ADAMTS10: variants seen among roughly 807,000 people sequenced by gnomAD.
ADAMTS10 encodes the protein ADAM metallopeptidase with thrombospondin type 1 motif 10.
A neutral mutation model predicts 135.9 loss-of-function variants in ADAMTS10; 48 were observed. The ratio of observed to expected loss-of-function variants is 0.35; its 90% CI spans 0.28 to 0.45. The LOEUF (loss-of-function observed/expected upper bound fraction) is 0.45, where lower values mean the gene tolerates loss of function less well. ADAMTS10 is among the 20% of genes least tolerant of loss of function. The pLI is 1.00. For missense variants in ADAMTS10, 1,131 were observed against 1,565.2 expected (o/e 0.72, Z 4.68); for synonymous variants, 621 against 647.5 (o/e 0.96, Z 0.62).
intron 7 of ADAMTS10, 25 bp downstream of exon 7, chr19:8,597,209 G>T: frequency 6.2e-7 from 1 of 1,614,144 alleles, no homozygotes; most frequent in Non-Finnish European, 8.5e-7. Flanking sequence ...GAAGGGGAAG[G>T]GGAAGGGGAG....
At chr19:8,598,914 G>T (rs2146087347) in intron 6 of ADAMTS10, among the ~76,000 whole-genome samples, 1 of 151,720 alleles carries the variant, frequency 6.6e-6, no homozygotes, top group South Asian at 2.1e-4. Flanking sequence ...AGGGAGAGAG[G>T]CCAGGCTCAG....
intron 6 of ADAMTS10, among the ~76,000 whole-genome samples, chr19:8,600,679 T>TA (rs1555741320): frequency 2.6e-5 from 4 of 151,952 alleles, no homozygotes; most frequent in African/African-American, 9.7e-5. Flanking sequence ...TTTGTATTTT[T>TA]AGTAGAGATG....
rs1555735673 is a variant in ADAMTS10, at chr19:8,580,968, G to GGGGC, written c.3233_3236dup (p.Leu1080ProfsTer184). The GGGGC allele has an allele frequency of 6.2e-7, 1 of 1,613,666 alleles. No homozygotes were observed. The highest frequency in any genetic ancestry group is 1.7e-5 in the Admixed American group (1 of 59,974). On this transcript the variant is annotated frameshift_variant, in exon 26 of 26. Coordinates refer to ENST00000597188, the MANE Select transcript of ADAMTS10 (RefSeq NM_030957.4). LOFTEE classifies it high-confidence loss of function. ...TGCAGAACTGAAATTTGAGCACCAG[G>GGGGC]GGGCAGTAGGCGACCTTGTTCACAT...
intron 6 of ADAMTS10, among the ~76,000 whole-genome samples, chr19:8,599,118 C>T (rs1251467717): frequency 6.6e-6 from 1 of 152,074 alleles, no homozygotes; most frequent in Non-Finnish European, 1.5e-5. Flanking sequence ...CATTATATCT[C>T]CATTTGATAC....
rs140502897 is a variant in ADAMTS10 at position 8,604,392 on chromosome 19, A to T, written c.436-508T>A. 4.9e-3 allele frequency among the ~76,000 whole-genome samples: 729 copies of T among 149,730 alleles called. 4 individuals carry two copies. The highest frequency in any genetic ancestry group is 0.017 in the African/African-American group (697 of 41,030). ...ATTTCTTTTTATTTTAAAATTATATATGTGTGTATGTGTATAGTATGTATG... is the reference window on the plus strand; with the variant it reads ...ATTTCTTTTTATTTTAAAATTATATTTGTGTGTATGTGTATAGTATGTATG... On this transcript the variant is annotated intron_variant, in intron 4 of 25. Transcript: ENST00000597188.
chr19:8,580,833 C>T lies in ADAMTS10; in HGVS notation c.*60G>A. ...CCCCCCCGGGGCCCCCTCTGGCCGG[C>T]CCGCTGCAGGGCTGGCGGCGGAGAC... is the stretch of plus-strand genomic sequence containing the variant. On this transcript the variant is annotated 3_prime_UTR_variant, in exon 26 of 26. Transcript: ENST00000597188. 1.4e-6 allele frequency: 2 copies of T among 1,425,018 alleles called. No homozygotes were observed. Among genetic ancestry groups the T allele is most frequent in the Admixed American group, 2.0e-5 (1 of 50,864 alleles). The allele number at this position is 1,425,018 out of a possible 1,614,324, so 88.3% of individuals were successfully genotyped here.
At chr19:8,587,332 C>T (rs1460734975) in intron 18 of ADAMTS10, among the ~76,000 whole-genome samples, 2 of 92,528 alleles carry the variant, frequency 2.2e-5, no homozygotes, top group South Asian at 4.2e-4. Context: ...AACTAAAAAA[C>T]CTTTTTTTTT....
chr19:8,604,719 C>G (rs184307899), intron 4 of ADAMTS10, among the ~76,000 whole-genome samples: 1 of 152,056 alleles, frequency 6.6e-6, no homozygotes, highest in African/African-American at 2.4e-5. Flanking sequence ...CTCCTGACCT[C>G]AAGTGATCTG....
intron 25 of ADAMTS10, 48 bp from the exon 26 acceptor site, chr19:8,581,050 C>A: frequency 7.1e-7 from 1 of 1,411,974 alleles, no homozygotes; most frequent in South Asian, 1.2e-5. Context: ...AGCTGCCCTC[C>A]CCGCAGGGCT....
At chr19:8,604,016 G>A in intron 4 of ADAMTS10, 132 bp from the exon 5 acceptor site, 2 of 838,784 alleles carry the variant, frequency 2.4e-6, no homozygotes, top group South Asian at 4.6e-5. Flanking sequence ...TTTTTTTTTG[G>A]CATAGGTAAT....
At position 8,605,512 on chromosome 19, in the gene ADAMTS10, C is replaced by T. The variant is rs1555742415; in HGVS notation, c.88+111G>A. 1.3e-6 allele frequency: 2 copies of T among 1,486,842 alleles called. No individual in the cohort carries two copies. The highest frequency in any genetic ancestry group is 1.8e-6 in the Non-Finnish European group (2 of 1,096,350). 92.1% of individuals were successfully genotyped at this position (1,486,842 alleles called of 1,614,324 possible). On this transcript the variant is annotated intron_variant, in intron 3 of 25. Transcript: ENST00000597188. The surrounding 1 kb of genome is among the most constrained non-coding windows in gnomAD (Gnocchi z 7.7). ...GGCTCCCGCCTATTGACCCCAGGGC[C>T]TTCCCCCATTGACCCCCATCCCAGC...
At chr19:8,593,566 C>T (rs950732721) in intron 12 of ADAMTS10, 25 of 152,428 alleles carry the variant, frequency 1.6e-4, no homozygotes, top group African/African-American at 6.0e-4. Flanking sequence ...AAAATCAGCC[C>T]CACCTTCTTC....
Position 8,580,708 on chromosome 19 carries a change from G to C in ADAMTS10, c.*185C>G, listed in dbSNP as rs2042332213. On this transcript the variant is annotated 3_prime_UTR_variant, in exon 26 of 26. Transcript: ENST00000597188. Reference sequence around the variant, plus strand: ...GGGCGGATGCTGAAGAGGGGCTCTGGGGGGATAGCCAGCCCCTCTCCATCC... The same window carrying C: ...GGGCGGATGCTGAAGAGGGGCTCTGCGGGGATAGCCAGCCCCTCTCCATCC... 1.7e-6 allele frequency: 1 copy of C among 593,682 alleles called. No individual in the cohort carries two copies. The highest frequency in any genetic ancestry group is 3.0e-6 in the Non-Finnish European group (1 of 333,262). The allele number at this position is 593,682 out of a possible 1,614,324, so 36.8% of individuals were successfully genotyped here.
Position 8,595,906 on chromosome 19 carries a change from G to A in ADAMTS10, c.1338-3C>T, listed in dbSNP as rs1555740037. ...TCAGGCAGAGCCCCAGGCCCGAGCTGCCTCGAGAGAAAAGCAACTGTCATG... is the reference window on the plus strand; with the variant it reads ...TCAGGCAGAGCCCCAGGCCCGAGCTACCTCGAGAGAAAAGCAACTGTCATG... On this transcript the variant is annotated splice_polypyrimidine_tract_variant and splice_region_variant and intron_variant, in intron 11 of 25. Coordinates refer to ENST00000597188, the MANE Select transcript of ADAMTS10 (RefSeq NM_030957.4). 1.9e-6 allele frequency: 3 copies of A among 1,614,186 alleles called. No homozygotes were observed. Among genetic ancestry groups the A allele is most frequent in the African/African-American group, 2.7e-5 (2 of 75,048 alleles).
At chr19:8,589,715 G>T in intron 16 of ADAMTS10, 130 bp from the exon 17 acceptor site, 1 of 1,488,224 alleles carries the variant, frequency 6.7e-7, no homozygotes, top group Non-Finnish European at 9.1e-7. Context: ...CAGAGGGAGT[G>T]GGGGCTCCCA....
rs1555736706 is a variant in ADAMTS10 at position 8,585,309 on chromosome 19, C to T, written c.2866-1G>A. 1 of 1,531,768 alleles carries T rather than the reference C, an allele frequency of 6.5e-7. No individual in the cohort carries two copies. Among genetic ancestry groups the T allele is most frequent in the Non-Finnish European group, 8.8e-7 (1 of 1,141,878 alleles). The allele number at this position is 1,531,768 out of a possible 1,614,324, so 94.9% of individuals were successfully genotyped here. A position where few individuals can be genotyped will look rare whatever the true frequency, so the allele number is the denominator to read the frequency against. The stretch of plus-strand genomic sequence containing the variant: ...GGCCCGGCCCGCAGCTGGGGGTGCA[C>T]TGCAGTTGGAAGGGGCGTTTCGTGC... On this transcript the variant is annotated splice_acceptor_variant, in intron 23 of 25. Coordinates refer to ENST00000597188, the MANE Select transcript of ADAMTS10 (RefSeq NM_030957.4). LOFTEE classifies it high-confidence loss of function.
intron 25 of ADAMTS10, among the ~76,000 whole-genome samples, chr19:8,583,831 T>A (rs920814562): frequency 5.3e-5 from 8 of 151,538 alleles, no homozygotes; most frequent in African/African-American, 1.7e-4. Context: ...CACTCCAACG[T>A]GGGTGACAAA....
rs371701556 is a variant in ADAMTS10 at position 8,597,226 on chromosome 19, C to T, written c.894+8G>A. Reference sequence around the variant, plus strand: ...AGGGGAAGGGGAAGGGGAGGAAGTCCCCCGCACCTGGTCCTCCGTGAGCAG... The same window carrying T: ...AGGGGAAGGGGAAGGGGAGGAAGTCTCCCGCACCTGGTCCTCCGTGAGCAG... On this transcript the variant is annotated splice_region_variant and intron_variant, in intron 7 of 25. Transcript: ENST00000597188. 6.2e-7 allele frequency: 1 copy of T among 1,614,040 alleles called. No homozygotes were observed. The highest frequency in any genetic ancestry group is 1.3e-5 in the African/African-American group (1 of 75,010).
At position 8,584,996 on chromosome 19, in the gene ADAMTS10, G is replaced by T. The variant is rs935826954; in HGVS notation, c.3101C>A (p.Thr1034Lys). The stretch of plus-strand genomic sequence containing the variant: ...CGTGCACTCGTGCGACGCCTGGCCC[G>T]TGTGGCTGGTGCAGCGCACCGAGCG... ...RQRSVRCTSHTGQASHECTEA... is the reference protein window; with the variant it reads ...RQRSVRCTSHKGQASHECTEA... The change falls in exon 25 of 26, where the codon ACG becomes AAG. Residue 1034 changes from threonine (T) to lysine (K), a missense_variant. By Grantham distance (78) the Thr-to-Lys change is moderately conservative (BLOSUM62 -1). Transcript: ENST00000597188. 1 of 1,542,702 alleles carries T rather than the reference G, an allele frequency of 6.5e-7. No homozygotes were observed.
Sources: gnomAD v4.1 joint callset for allele counts (sites outside exome capture counted in the v4.1 genomes callset) on GRCh38, gnomAD v4.1.1 for gene constraint, Gnocchi (gnomAD v3.1) non-coding constraint, MANE v1.5 for transcripts, NCBI Gene and HGNC (gene_info 2026-07-23, HGNC 2026-07-21) for gene names.